PCDH11X: variants seen among roughly 807,000 people sequenced by gnomAD.
PCDH11X encodes the protein protocadherin 11 X-linked, also known as protocadherin-11 X-linked.
In PCDH11X, 18 loss-of-function variants were observed where a neutral mutation model predicts 53.3. The observed-to-expected ratio is 0.34, with a 90% CI of 0.23 to 0.50. The LOEUF (loss-of-function observed/expected upper bound fraction) is 0.50. PCDH11X is among the 20% of genes least tolerant of loss of function. The pLI, the probability that PCDH11X is intolerant of heterozygous loss-of-function variation, is 0.98. For missense variants in PCDH11X, 570 were observed against 1,032.4 expected (o/e 0.55, Z 6.14); for synonymous variants, 279 against 393.3 (o/e 0.71, Z 3.44).
intron 10 of PCDH11X, among the ~76,000 whole-genome samples, chrX:92,574,997 G>T (rs2556696): frequency 4.5e-5 from 5 of 110,234 alleles, no homozygotes; most frequent in Non-Finnish European, 9.5e-5. Flanking sequence ...GTAAAAGTGC[G>T]CTGCTTTTGG....
chrX:92,537,698 G>A (rs191753105), intron 10 of PCDH11X, among the ~76,000 whole-genome samples: 1,820 of 96,405 alleles, frequency 0.019, 51 homozygotes, highest in African/African-American at 0.063. Flanking sequence ...CCAGAATAGA[G>A]AATCAGAAAC....
intron 8 of PCDH11X, among the ~76,000 whole-genome samples, chrX:92,271,490 T>C: frequency 8.9e-6 from 1 of 112,044 alleles, no homozygotes; most frequent in Non-Finnish European, 1.9e-5. Context: ...AAGGTCCCGT[T>C]ACAGATTTTT....
chrX:92,347,923 T>C (rs370179094), intron 8 of PCDH11X, among the ~76,000 whole-genome samples: 1 of 111,842 alleles, frequency 8.9e-6, no homozygotes, highest in African/African-American at 3.3e-5. Context: ...TTTTTGTTTA[T>C]GGACCATAGA....
intron 10 of PCDH11X, among the ~76,000 whole-genome samples, chrX:92,523,038 G>T (rs1256253157): frequency 9.0e-6 from 1 of 111,715 alleles, no homozygotes; most frequent in African/African-American, 3.2e-5. Flanking sequence ...ATAAAGGAAA[G>T]AAAATAAGAG....
intron 7 of PCDH11X, among the ~76,000 whole-genome samples, chrX:92,221,256 T>TTA (rs1569428375): frequency 1.1e-4 from 10 of 91,904 alleles, no homozygotes; most frequent in South Asian, 5.4e-4. Flanking sequence ...ATTTTTTTTT[T>TTA]AAAAAAGAAA....
intron 1 of PCDH11X, among the ~76,000 whole-genome samples, chrX:91,793,887 A>C: frequency 9.0e-6 from 1 of 111,605 alleles, no homozygotes; most frequent in Non-Finnish European, 1.9e-5. Flanking sequence ...ATAGTAGTTA[A>C]CCATGTGGGG....
intron 6 of PCDH11X, among the ~76,000 whole-genome samples, chrX:92,163,957 A>T (rs1221969850): frequency 1.8e-5 from 2 of 111,561 alleles, no homozygotes; most frequent in Non-Finnish European, 3.8e-5. Context: ...AAAATGAAAT[A>T]ATCTAAAGAG....
chrX:92,277,865 A>C (rs2068142222), intron 8 of PCDH11X, among the ~76,000 whole-genome samples: 1 of 110,782 alleles, frequency 9.0e-6, no homozygotes, highest in Non-Finnish European at 1.9e-5. Context: ...AGACAAGGAG[A>C]GAAGGGGTTG....
intron 6 of PCDH11X, among the ~76,000 whole-genome samples, chrX:92,152,761 ATGTATG>A (rs2065458428): frequency 1.2e-5 from 1 of 84,851 alleles, no homozygotes; most frequent in Non-Finnish European, 2.0e-5. Context: ...TTATGTATGT[ATGTATG>A]TATGTATGTA....
intron 6 of PCDH11X, among the ~76,000 whole-genome samples, chrX:92,024,718 C>CAAAAAAAAAAAAAAAAAAAAAAA (rs199917287): frequency 1.8e-5 from 1 of 54,674 alleles, no homozygotes; most frequent in Non-Finnish European, 3.9e-5. Context: ...CAATCCTAAG[C>CAAAAAAAAAAAAAAAAAAAAAAA]AAAAAAAAAA....
At position 92,004,870 on chromosome X, in the gene PCDH11X, G is replaced by A. The variant is rs1327789023; in HGVS notation, c.3033+125597G>A. 2.9e-5 allele frequency among the ~76,000 whole-genome samples: 3 copies of A among 101,831 alleles called. No homozygotes were observed. The East Asian group carries it at 9.7e-4, about 33-fold the overall frequency. 88.4% of individuals were successfully genotyped at this position (101,831 alleles called of 115,157 possible). A position where few individuals can be genotyped will look rare whatever the true frequency, so the allele number is the denominator to read the frequency against. On this transcript the variant is annotated intron_variant, in intron 6 of 10. Transcript: ENST00000682573. ...GGCTCACTGCAAGCTCCGCCTCCCAGGTTCACGCCATTCTCCTGCCTCAGC... is the reference window on the plus strand; with the variant it reads ...GGCTCACTGCAAGCTCCGCCTCCCAAGTTCACGCCATTCTCCTGCCTCAGC...
chrX:92,056,056 A>G lies in PCDH11X; in HGVS notation c.3034-145319A>G, dbSNP rs1391648976. Among the ~76,000 whole-genome samples, 6 of 110,430 alleles carry G rather than the reference A, an allele frequency of 5.4e-5. No individual in the cohort carries two copies. The East Asian group carries it at 1.1e-3, about 21-fold the overall frequency. ...ATATTCCTTTTGGTATATACTTAGT[A>G]ATGGGATTTCTGTGTCGAATGGTAT... On this transcript the variant is annotated intron_variant, in intron 6 of 10. Coordinates refer to ENST00000682573, the MANE Select transcript of PCDH11X (RefSeq NM_032968.5).
chrX:92,526,981 C>A (rs1050498221), intron 10 of PCDH11X, among the ~76,000 whole-genome samples: 1 of 111,538 alleles, frequency 9.0e-6, no homozygotes, highest in Non-Finnish European at 1.9e-5. Flanking sequence ...CCATTTGCAA[C>A]AACACCTATG....
chrX:92,016,275 A>C (rs1219638039), intron 6 of PCDH11X, among the ~76,000 whole-genome samples: 1 of 109,532 alleles, frequency 9.1e-6, no homozygotes, highest in Non-Finnish European at 1.9e-5. Flanking sequence ...CAGAATAGTA[A>C]ATGATCATTG....
At position 92,202,635 on chromosome X, in the gene PCDH11X, C is replaced by A. The variant is rs751897866; in HGVS notation, c.3114+1180C>A. Among the ~76,000 whole-genome samples, 4 of 111,865 alleles carry A rather than the reference C, an allele frequency of 3.6e-5. No homozygotes were observed. The South Asian group carries it at 1.5e-3, about 42-fold the overall frequency. On this transcript the variant is annotated intron_variant, in intron 7 of 10. Transcript: ENST00000682573. ...TTATAAGGTGTATTTGTAAAGCAAC[C>A]ACTTTTACTTATTTTGGTCAGGACA...
intron 10 of PCDH11X, among the ~76,000 whole-genome samples, chrX:92,617,008 T>C (rs1394960127): frequency 8.9e-6 from 1 of 111,807 alleles, no homozygotes; most frequent in Non-Finnish European, 1.9e-5. Context: ...TGTTGTTTAT[T>C]TTCAATCTGT....
intron 6 of PCDH11X, among the ~76,000 whole-genome samples, chrX:92,127,518 CT>C (rs35828888): frequency 0.029 from 2,538 of 88,324 alleles, 74 homozygotes; most frequent in African/African-American, 0.1. Context: ...TTTCCCCCCA[CT>C]TTTTTTTTTT....
rs954238238 is a variant in PCDH11X, at chrX:91,909,998, G to A, written c.3033+30725G>A. Among the ~76,000 whole-genome samples, 15 of 111,409 alleles carry A rather than the reference G, an allele frequency of 1.3e-4. 1 individual carries two copies. Among genetic ancestry groups the A allele is most frequent in the African/African-American group, 4.9e-4 (15 of 30,687 alleles). ...ATTAACTATAGTCATCATGTTGTAC[G>A]TTAGGTCTCCAGAACTTTAGATTCC... On this transcript the variant is annotated intron_variant, in intron 6 of 10. Coordinates refer to ENST00000682573, the MANE Select transcript of PCDH11X (RefSeq NM_032968.5).
At chrX:92,013,324 A>G (rs1417610572) in intron 6 of PCDH11X, among the ~76,000 whole-genome samples, 1 of 111,888 alleles carries the variant, frequency 8.9e-6, no homozygotes, top group African/African-American at 3.2e-5. Flanking sequence ...CCAACTTACA[A>G]GGGATGTGAA....
Sources: allele counts gnomAD v4.1 joint callset (sites outside exome capture counted in the v4.1 genomes callset), GRCh38; gene constraint gnomAD v4.1.1; transcripts MANE v1.5; gene names NCBI Gene and HGNC (gene_info 2026-07-23, HGNC 2026-07-21).